The following ARMC2 variants were observed in gnomAD, a reference collection of about 807,000 sequenced individuals.
ARMC2 encodes the protein armadillo repeat containing 2.
Under a neutral mutation model 90.3 loss-of-function variants are expected in ARMC2, and 67 were observed. That is an observed-to-expected ratio of 0.74 (90% CI 0.61 to 0.91). The LOEUF is 0.91. Among genes scored for constraint, ARMC2 ranks in the 40% least tolerant of loss-of-function variants. The pLI, the probability that ARMC2 is intolerant of heterozygous loss-of-function variation, is 0.00. For synonymous variants in ARMC2, 393 were observed against 393.0 expected (o/e 1.00, Z 0.00); for missense variants, 920 against 1,030.9 (o/e 0.89, Z 1.47).
At chr6:108,971,211 G>A (rs879675672) in intron 17 of ARMC2, among the ~76,000 whole-genome samples, 6 of 152,146 alleles carry the variant, frequency 3.9e-5, no homozygotes, top group Non-Finnish European at 5.9e-5. Context: ...ACTCTGTCTC[G>A]AAAAAACGGA....
At chr6:108,930,600 T>A (rs1464504640) in intron 11 of ARMC2, among the ~76,000 whole-genome samples, 1 of 146,282 alleles carries the variant, frequency 6.8e-6, no homozygotes, top group African/African-American at 2.5e-5. Flanking sequence ...ATCTTTTTTT[T>A]TTTTTTTTTT....
At chr6:108,987,133 A>G in the ARMC2 span, 1 of 157,428 alleles carries the variant, frequency 6.4e-6, no homozygotes, top group Non-Finnish European at 1.4e-5. Context: ...CTCCAGCAGG[A>G]ATAGCAGCAC....
intron 10 of ARMC2, among the ~76,000 whole-genome samples, chr6:108,921,783 C>T (rs536229024): frequency 5.8e-4 from 89 of 152,298 alleles, no homozygotes; most frequent in Admixed American, 3.1e-3. Context: ...CTGGCGGCTG[C>T]GTTTATTCTT....
chr6:108,869,769 G>A (rs1215300285), intron 4 of ARMC2, among the ~76,000 whole-genome samples: 1 of 152,120 alleles, frequency 6.6e-6, no homozygotes, highest in Non-Finnish European at 1.5e-5. Context: ...TGGGAACAGA[G>A]AGGCTAAAGA....
At chr6:108,908,611 G>C (rs534467098) in intron 8 of ARMC2, among the ~76,000 whole-genome samples, 5 of 152,082 alleles carry the variant, frequency 3.3e-5, no homozygotes, top group African/African-American at 1.2e-4. Context: ...AGCCAGGCAT[G>C]GTGGCACATG....
intron 6 of ARMC2, among the ~76,000 whole-genome samples, chr6:108,894,837 G>A (rs1459329814): frequency 6.9e-6 from 1 of 145,908 alleles, no homozygotes; most frequent in African/African-American, 2.6e-5. Context: ...TGCAATCTCG[G>A]CTCACTGCAA....
At chr6:109,052,719 AT>A in the ARMC2 span, among the ~76,000 whole-genome samples, 1 of 152,196 alleles carries the variant, frequency 6.6e-6, no homozygotes, top group Non-Finnish European at 1.5e-5. Flanking sequence ...TGAATTTGTG[AT>A]TTATAGGCTT....
intron 1 of ARMC2, among the ~76,000 whole-genome samples, chr6:108,853,880 CT>C (rs57875139): frequency 0.022 from 3,288 of 152,214 alleles, 82 homozygotes; most frequent in East Asian, 0.12. Flanking sequence ...GAAAAGGAAA[CT>C]GTAAACATTT....
intron 7 of ARMC2, among the ~76,000 whole-genome samples, chr6:108,901,344 T>C (rs770379418): frequency 2.2e-4 from 34 of 151,760 alleles, no homozygotes; most frequent in Non-Finnish European, 2.4e-4. Context: ...CTCAAACTCC[T>C]GACCTTATGA....
intron 11 of ARMC2, among the ~76,000 whole-genome samples, chr6:108,932,808 G>A (rs1775683270): frequency 6.6e-6 from 1 of 152,072 alleles, no homozygotes; most frequent in South Asian, 2.1e-4. Flanking sequence ...GATTACAGGC[G>A]TGAGCCACTG....
At chr6:109,021,000 CTTTAT>C in the ARMC2 span, among the ~76,000 whole-genome samples, 1 of 152,054 alleles carries the variant, frequency 6.6e-6, no homozygotes, top group African/African-American at 2.4e-5. Flanking sequence ...TTAGGAGACA[CTTTAT>C]TTTCTTTTTT....
chr6:109,000,489 A>C, the ARMC2 span: 2 of 1,547,922 alleles, frequency 1.3e-6, no homozygotes, highest in Admixed American at 3.8e-5. Context: ...CCCACTGCTT[A>C]CCTCAATGTG....
At chr6:109,035,652 T>C in the ARMC2 span, among the ~76,000 whole-genome samples, 1 of 152,178 alleles carries the variant, frequency 6.6e-6, no homozygotes, top group Non-Finnish European at 1.5e-5. Flanking sequence ...TCTCACTCTG[T>C]TGCCCAGGCT....
intron 6 of ARMC2, among the ~76,000 whole-genome samples, chr6:108,894,782 T>C (rs1011479265): frequency 2.7e-5 from 4 of 146,560 alleles, no homozygotes; most frequent in Admixed American, 6.8e-5. Flanking sequence ...TTTTTTTTTT[T>C]TTGAGATGGA....
At chr6:108,871,049 A>G (rs1422054300) in intron 4 of ARMC2, among the ~76,000 whole-genome samples, 2 of 152,214 alleles carry the variant, frequency 1.3e-5, no homozygotes, top group Non-Finnish European at 2.9e-5. Context: ...AAGGTGCCTC[A>G]TGAGAAGGAG....
At chr6:108,989,427 ATATATCTAGATCTAGATACATCTC>A in the ARMC2 span, among the ~76,000 whole-genome samples, 1,313 of 150,458 alleles carry the variant, frequency 8.7e-3, 22 homozygotes, top group African/African-American at 0.03. Context: ...ATCTAGAGAT[ATATATCTAGATCTAGATACATCTC>A]TATATCTAGA....
intron 3 of ARMC2, among the ~76,000 whole-genome samples, chr6:108,863,104 T>C (rs1775449522): frequency 6.6e-6 from 1 of 152,188 alleles, no homozygotes; most frequent in African/African-American, 2.4e-5. Flanking sequence ...AGGGGGTTCC[T>C]GTTAGCAGAA....
chr6:108,860,622 A>C (rs11751783), intron 3 of ARMC2, among the ~76,000 whole-genome samples: 38,873 of 147,454 alleles, frequency 0.26, 6,351 homozygotes, highest in Non-Finnish European at 0.35. Context: ...AGTTCGCGCC[A>C]CTGCACTCCA....
At chr6:108,962,170 C>A in intron 15 of ARMC2, 43 bp downstream of exon 15, 2 of 1,440,108 alleles carry the variant, frequency 1.4e-6, no homozygotes, top group Non-Finnish European at 1.9e-6. Flanking sequence ...CACTTTTTGC[C>A]AATAATCAGC....
Sources: gnomAD v4.1 joint callset for allele counts (sites outside exome capture counted in the v4.1 genomes callset) on GRCh38, gnomAD v4.1.1 for gene constraint, MANE v1.5 for transcripts, NCBI Gene and HGNC (gene_info 2026-07-23, HGNC 2026-07-21) for gene names.